The following TBC1D5 variants were observed in gnomAD, a reference collection of about 807,000 sequenced individuals.
TBC1D5 encodes the protein TBC1 domain family member 5.
TBC1D5 carries 75 observed loss-of-function variants against 100.3 expected under a neutral mutation model. The observed-to-expected ratio is 0.75, with a 90% CI of 0.62 to 0.91. The LOEUF (loss-of-function observed/expected upper bound fraction) is 0.91. Among genes scored for constraint, TBC1D5 ranks in the 40% least tolerant of loss-of-function variants. TBC1D5 has a pLI of 0.00. For missense variants in TBC1D5, 910 were observed against 942.4 expected (o/e 0.97, Z 0.45); for synonymous variants, 323 against 325.6 (o/e 0.99, Z 0.09).
chr3:17,301,802 C>A (rs558575861), intron 14 of TBC1D5, among the ~76,000 whole-genome samples: 4 of 151,890 alleles, frequency 2.6e-5, no homozygotes, highest in Non-Finnish European at 5.9e-5. Flanking sequence ...GTAGGTGGAG[C>A]CAGGGGAAGC....
chr3:17,635,721 TAAAGA>T (rs2063852426), intron 1 of TBC1D5, among the ~76,000 whole-genome samples: 1 of 151,988 alleles, frequency 6.6e-6, no homozygotes, highest in Admixed American at 6.6e-5. Flanking sequence ...AATGAAAAGG[TAAAGA>T]ACAGAATGAA....
chr3:17,734,925 CA>C (rs34091810), intron 1 of TBC1D5, among the ~76,000 whole-genome samples: 42 of 145,772 alleles, frequency 2.9e-4, no homozygotes, highest in Non-Finnish European at 3.2e-4. Flanking sequence ...GTCTCTACGA[CA>C]AAAAAAAAAA....
intron 3 of TBC1D5, among the ~76,000 whole-genome samples, chr3:17,458,576 A>G (rs994499927): frequency 2.6e-5 from 4 of 152,076 alleles, no homozygotes; most frequent in African/African-American, 9.7e-5. Context: ...ATCTCTTTCT[A>G]GAGGTGTACA....
At chr3:17,299,915 G>T (rs1023290986) in intron 14 of TBC1D5, among the ~76,000 whole-genome samples, 3 of 151,390 alleles carry the variant, frequency 2.0e-5, no homozygotes, top group Non-Finnish European at 2.9e-5. Flanking sequence ...TGGTGATAGT[G>T]GGGGAGAATA....
At chr3:17,403,580 A>T (rs920691805) in intron 7 of TBC1D5, among the ~76,000 whole-genome samples, 1 of 152,118 alleles carries the variant, frequency 6.6e-6, no homozygotes, top group Admixed American at 6.6e-5. Context: ...AAAAATACAA[A>T]TCAGAAAAAC....
At chr3:17,549,149 T>C (rs895043837) in intron 2 of TBC1D5, among the ~76,000 whole-genome samples, 3 of 151,784 alleles carry the variant, frequency 2.0e-5, no homozygotes, top group African/African-American at 7.3e-5. Flanking sequence ...TACAAAAAAA[T>C]ATATAGCCGA....
intron 3 of TBC1D5, among the ~76,000 whole-genome samples, chr3:17,445,558 G>A (rs980801900): frequency 4.6e-5 from 7 of 152,098 alleles, no homozygotes; most frequent in African/African-American, 1.2e-4. Flanking sequence ...CTTGCTTTCC[G>A]TAGTTTCAGT....
intron 15 of TBC1D5, among the ~76,000 whole-genome samples, chr3:17,267,111 G>A (rs530867226): frequency 6.6e-6 from 1 of 152,036 alleles, no homozygotes; most frequent in Non-Finnish European, 1.5e-5. Context: ...CGTTATGCTC[G>A]ACTTTAGCTT....
At chr3:17,314,488 T>C (rs1231089862) in intron 13 of TBC1D5, among the ~76,000 whole-genome samples, 1 of 152,150 alleles carries the variant, frequency 6.6e-6, no homozygotes, top group African/African-American at 2.4e-5. Context: ...CCCCTTTCAT[T>C]TCCTGAACTC....
intron 2 of TBC1D5, among the ~76,000 whole-genome samples, chr3:17,601,854 G>A (rs576104897): frequency 9.9e-5 from 15 of 151,996 alleles, no homozygotes; most frequent in Middle Eastern, 3.4e-3. Flanking sequence ...TTTTGAGACC[G>A]AGTCTCGCTC....
At chr3:17,185,782 C>T (rs1036228969) in intron 18 of TBC1D5, among the ~76,000 whole-genome samples, 10 of 151,994 alleles carry the variant, frequency 6.6e-5, no homozygotes, top group Non-Finnish European at 1.3e-4. Context: ...TTTCCTAAAG[C>T]GCTTGGAAAA....
intron 13 of TBC1D5, among the ~76,000 whole-genome samples, chr3:17,349,743 C>A (rs1422040016): frequency 6.6e-6 from 1 of 152,264 alleles, no homozygotes; most frequent in East Asian, 1.9e-4. Flanking sequence ...CAGAAGAGCT[C>A]ATTTCTGAGG....
intron 3 of TBC1D5, among the ~76,000 whole-genome samples, chr3:17,481,947 G>T (rs1425692545): frequency 6.6e-6 from 1 of 152,130 alleles, no homozygotes; most frequent in African/African-American, 2.4e-5. Flanking sequence ...TACTATGTTC[G>T]CCAGGGTGGT....
chr3:17,225,698 G>T lies in TBC1D5; in HGVS notation c.1589-11328C>A, dbSNP rs781121663. On this transcript the variant is annotated intron_variant, in intron 17 of 21. Transcript: ENST00000253692. ...TTTCTACAATAAAAATGAAAAAGTA[G>T]CCAGGTGTGATGGCACACACCTGTG... Among the ~76,000 whole-genome samples, 71 of 151,900 alleles carry T rather than the reference G, an allele frequency of 4.7e-4. 1 individual carries two copies. The highest frequency in any genetic ancestry group is 9.3e-4 in the Non-Finnish European group (63 of 67,986).
intron 13 of TBC1D5, among the ~76,000 whole-genome samples, chr3:17,343,065 C>T (rs1223090909): frequency 6.6e-6 from 1 of 152,032 alleles, no homozygotes; most frequent in Non-Finnish European, 1.5e-5. Flanking sequence ...GGGAATGCTT[C>T]CAGTTTTTGC....
chr3:17,314,733 G>C (rs761080840), intron 13 of TBC1D5, among the ~76,000 whole-genome samples: 90 of 152,276 alleles, frequency 5.9e-4, no homozygotes, highest in Non-Finnish European at 1.1e-3. Flanking sequence ...ACAGATTCCT[G>C]TTTCCTGTCG....
chr3:17,443,030 C>T (rs1435588730), intron 3 of TBC1D5, among the ~76,000 whole-genome samples: 1 of 152,022 alleles, frequency 6.6e-6, no homozygotes, highest in Non-Finnish European at 1.5e-5. Flanking sequence ...ACAAATTATT[C>T]AAAATGTTCA....
chr3:17,436,754 C>G (rs528593104), intron 3 of TBC1D5, among the ~76,000 whole-genome samples: 67 of 152,068 alleles, frequency 4.4e-4, no homozygotes, highest in African/African-American at 1.5e-3. Flanking sequence ...AAAACTAAAA[C>G]CATGGTCAGT....
intron 2 of TBC1D5, among the ~76,000 whole-genome samples, chr3:17,606,088 T>A (rs529411016): frequency 6.6e-6 from 1 of 151,948 alleles, no homozygotes; most frequent in South Asian, 2.1e-4. Flanking sequence ...CTTCTCCTGA[T>A]AAAGTCAATC....
Sources: allele counts gnomAD v4.1 joint callset (sites outside exome capture counted in the v4.1 genomes callset), GRCh38; gene constraint gnomAD v4.1.1; transcripts MANE v1.5; gene names NCBI Gene and HGNC (gene_info 2026-07-23, HGNC 2026-07-21).